SLC38A9: variants seen among roughly 807,000 people sequenced by gnomAD.
SLC38A9 encodes the protein neutral amino acid transporter 9.
Under a neutral mutation model 62.3 loss-of-function variants are expected in SLC38A9, and 48 were observed. That is an observed-to-expected ratio of 0.77 (90% CI 0.61 to 0.98). The LOEUF (loss-of-function observed/expected upper bound fraction) is 0.98, where lower values mean the gene tolerates loss of function less well. SLC38A9 is among the 50% of genes least tolerant of loss of function. SLC38A9 has a pLI of 0.00. For synonymous variants in SLC38A9, 204 were observed against 227.7 expected (o/e 0.90, Z 0.94); for missense variants, 541 against 679.8 (o/e 0.80, Z 2.27).
chr5:55,660,237 C>T (rs1749276211), intron 8 of SLC38A9, among the ~76,000 whole-genome samples: 1 of 151,816 alleles, frequency 6.6e-6, no homozygotes, highest in African/African-American at 2.4e-5. Flanking sequence ...ATGACGAAAC[C>T]TGTCTCTACA....
chr5:55,658,980 G>A (rs1748970981), intron 8 of SLC38A9, among the ~76,000 whole-genome samples: 1 of 152,148 alleles, frequency 6.6e-6, no homozygotes, highest in Non-Finnish European at 1.5e-5. Context: ...TCATCATATT[G>A]ATAAAGGAGG....
intron 7 of SLC38A9, among the ~76,000 whole-genome samples, chr5:55,668,129 G>A (rs998012038): frequency 6.6e-6 from 1 of 152,098 alleles, no homozygotes; most frequent in African/African-American, 2.4e-5. Flanking sequence ...CTGTGATAGC[G>A]CTGCTGCATT....
At chr5:55,657,816 T>C (rs1330866674) in intron 8 of SLC38A9, among the ~76,000 whole-genome samples, 1 of 152,210 alleles carries the variant, frequency 6.6e-6, no homozygotes, top group Non-Finnish European at 1.5e-5. Context: ...GTAAGTTAAA[T>C]AGTTAAATTA....
chr5:55,697,672 A>C (rs3857287), intron 3 of SLC38A9, among the ~76,000 whole-genome samples, 174 bp downstream of exon 3: 86,316 of 146,700 alleles, frequency 0.59, 25,952 homozygotes, highest in South Asian at 0.69. Context: ...AAAAAAAAAA[A>C]AAATATAAAC....
intron 7 of SLC38A9, 72 bp downstream of exon 7, chr5:55,669,156 C>T: frequency 9.3e-7 from 1 of 1,078,400 alleles, no homozygotes. Context: ...AGCATATACA[C>T]ACTAGTGATC....
At position 55,669,137 on chromosome 5, in the gene SLC38A9, CACACATGTAGCATAT is replaced by C; in HGVS notation, c.526+76_526+90del. 3 of 766,710 alleles carry C rather than the reference CACACATGTAGCATAT, an allele frequency of 3.9e-6. No homozygotes were observed. The South Asian group carries it at 6.3e-5, about 16-fold the overall frequency. The allele number at this position is 766,710 out of a possible 1,614,324, so 47.5% of individuals were successfully genotyped here. On this transcript the variant is annotated intron_variant, in intron 7 of 15. Transcript: ENST00000396865. ...CTTTAGGTACAAAGTAGACAGCTGA[CACACATGTAGCATAT>C]ACACACTAGTGATCTGCCTCAAAGG...
intron 2 of SLC38A9, among the ~76,000 whole-genome samples, chr5:55,699,887 G>A (rs931585482): frequency 2.6e-5 from 4 of 152,106 alleles, no homozygotes; most frequent in Admixed American, 1.3e-4. Flanking sequence ...GAAACATGAA[G>A]GATAGAATGA....
At chr5:55,682,130 G>A (rs1424725678) in intron 3 of SLC38A9, among the ~76,000 whole-genome samples, 1 of 150,618 alleles carries the variant, frequency 6.6e-6, no homozygotes, top group Non-Finnish European at 1.5e-5. Context: ...ACAGATCCAT[G>A]CCAGGGAGCA....
intron 11 of SLC38A9, 64 bp downstream of exon 11, chr5:55,649,143 G>T: frequency 2.4e-6 from 2 of 819,610 alleles, no homozygotes; most frequent in African/African-American, 1.8e-5. Flanking sequence ...ACTTGTTTTA[G>T]AATAGCATAT....
intron 11 of SLC38A9, among the ~76,000 whole-genome samples, chr5:55,648,233 T>C (rs1746743323): frequency 1.3e-5 from 2 of 152,174 alleles, no homozygotes; most frequent in African/African-American, 4.8e-5. Flanking sequence ...AGTGAGACTC[T>C]GTCTCAAAAG....
rs147200206 is a variant in SLC38A9, at chr5:55,669,860, A to C, written c.266T>G (p.Val89Gly). ...DKALIAPDHV[V>G]PAPEECYVYS... is the part of the protein sequence containing the mutation. ...CACATAGCACTCTTCTGGAGCTGGA[A>C]CTACATGGTCTGGGGCAATCTGGTA... The change falls in exon 5 of 16, where the codon GTT becomes GGT. Residue 89 changes from valine to glycine, a missense_variant. Physicochemically the swap from Val to Gly is moderately radical, Grantham distance 109. Transcript: ENST00000396865. 7.5e-6 allele frequency: 12 copies of C among 1,609,182 alleles called. No homozygotes were observed. Among genetic ancestry groups the C allele is most frequent in the Non-Finnish European group, 9.3e-6 (11 of 1,178,670 alleles).
intron 8 of SLC38A9, among the ~76,000 whole-genome samples, chr5:55,658,281 G>A (rs532110992): frequency 5.2e-4 from 79 of 152,204 alleles, no homozygotes; most frequent in Non-Finnish European, 8.8e-4. Flanking sequence ...AGCCTCCCGA[G>A]TAGCTGGGAT....
chr5:55,701,672 G>A (rs796680845), intron 2 of SLC38A9, among the ~76,000 whole-genome samples: 6 of 152,332 alleles, frequency 3.9e-5, no homozygotes, highest in African/African-American at 1.4e-4. Flanking sequence ...TAGAATTAAA[G>A]GGAGTGCTAC....
intron 2 of SLC38A9, among the ~76,000 whole-genome samples, chr5:55,705,460 GAAAGAA>G (rs754219378): frequency 4.3e-5 from 6 of 139,970 alleles, no homozygotes; most frequent in African/African-American, 1.5e-4. Flanking sequence ...AAGAAAGAAA[GAAAGAA>G]AAAGAAAGAA....
At chr5:55,631,695 G>A (rs1292053512) in intron 14 of SLC38A9, among the ~76,000 whole-genome samples, 2 of 152,126 alleles carry the variant, frequency 1.3e-5, no homozygotes, top group Admixed American at 6.5e-5. Context: ...ATTATTTATC[G>A]AAGAAGCAGA....
intron 12 of SLC38A9, among the ~76,000 whole-genome samples, chr5:55,642,600 C>T (rs995756985): frequency 6.6e-6 from 1 of 152,002 alleles, no homozygotes; most frequent in Non-Finnish European, 1.5e-5. Context: ...ACTTGGCTTA[C>T]AAGAACAGAC....
intron 3 of SLC38A9, among the ~76,000 whole-genome samples, chr5:55,687,232 G>A (rs1213669541): frequency 2.0e-5 from 3 of 150,904 alleles, no homozygotes; most frequent in Admixed American, 6.6e-5. Context: ...GAGGTCAGGA[G>A]ATCGAGACCA....
chr5:55,634,575 G>A (rs1277422987), intron 13 of SLC38A9: 1 of 152,070 alleles, frequency 6.6e-6, no homozygotes, highest in Non-Finnish European at 1.5e-5. Context: ...CTTTGTATGA[G>A]TTTGTTCATA....
At chr5:55,703,667 G>A (rs1205163514) in intron 2 of SLC38A9, among the ~76,000 whole-genome samples, 2 of 152,188 alleles carry the variant, frequency 1.3e-5, no homozygotes, top group East Asian at 1.9e-4. Context: ...TAACAATTCG[G>A]TTGACTTGTT....
Sources: gnomAD v4.1 joint callset for allele counts (sites outside exome capture counted in the v4.1 genomes callset) on GRCh38, gnomAD v4.1.1 for gene constraint, MANE v1.5 for transcripts, NCBI Gene and HGNC (gene_info 2026-07-23, HGNC 2026-07-21) for gene names.